COMMD1: variants seen among roughly 807,000 people sequenced by gnomAD.
COMMD1 encodes COMM domain-containing protein 1.
A neutral mutation model predicts 17.2 loss-of-function variants in COMMD1; 10 were observed. The observed-to-expected ratio is 0.58, with a 90% CI of 0.36 to 0.99. The LOEUF (loss-of-function observed/expected upper bound fraction) is 0.99. COMMD1 is among the 50% of genes least tolerant of loss of function. The pLI, the probability that COMMD1 is intolerant of heterozygous loss-of-function variation, is 0.01. For synonymous variants in COMMD1, 97 were observed against 91.6 expected (o/e 1.06, Z -0.34); for missense variants, 270 against 231.8 (o/e 1.17, Z -1.07).
At chr2:62,090,589 C>T (rs538130131) in intron 2 of COMMD1, 1 of 152,304 alleles carries the variant, frequency 6.6e-6, no homozygotes, top group South Asian at 2.1e-4. Flanking sequence ...TTGTATTGCA[C>T]CATATACTGG....
intron 2 of COMMD1, among the ~76,000 whole-genome samples, chr2:62,086,004 A>C (rs557270654): frequency 5.2e-4 from 79 of 151,672 alleles, no homozygotes; most frequent in Middle Eastern, 3.4e-3. Flanking sequence ...AAAACAAAAA[A>C]ATTTTTAAGA....
intron 2 of COMMD1, among the ~76,000 whole-genome samples, chr2:62,063,850 G>A (rs887381029): frequency 1.0e-5 from 1 of 96,498 alleles, no homozygotes; most frequent in Non-Finnish European, 2.1e-5. Flanking sequence ...GGACAACATA[G>A]TGACACTGTC....
intron 2 of COMMD1, chr2:62,001,211 C>T (rs1447586841): frequency 1.9e-6 from 1 of 519,184 alleles, no homozygotes; most frequent in Non-Finnish European, 3.5e-6. Flanking sequence ...ACAGAATGGG[C>T]CAATAATGTG....
chr2:61,894,055 T>C (rs1271233798), intron 1 of COMMD1, among the ~76,000 whole-genome samples: 1 of 152,154 alleles, frequency 6.6e-6, no homozygotes, highest in African/African-American at 2.4e-5. Context: ...CTGGGCAACA[T>C]AGCAAAACCC....
chr2:62,085,135 G>A lies in COMMD1; in HGVS notation c.463-50696G>A, dbSNP rs186627025. 1.7e-4 allele frequency among the ~76,000 whole-genome samples: 26 copies of A among 152,130 alleles called. No individual in the cohort carries two copies. In the East Asian group the frequency reaches 4.8e-3, roughly 28 times the overall value. ...TAGAGTTAAAATCAAAGGTGGGGAC[G>A]AATTTTAAAAACTGTTTCTGAATCT... is the stretch of plus-strand genomic sequence containing the variant. On this transcript the variant is annotated intron_variant, in intron 2 of 2. Coordinates refer to ENST00000311832, the MANE Select transcript of COMMD1 (RefSeq NM_152516.4).
At chr2:62,048,182 CTTTTTT>C (rs67195629) in intron 2 of COMMD1, among the ~76,000 whole-genome samples, 5 of 127,230 alleles carry the variant, frequency 3.9e-5, no homozygotes, top group African/African-American at 1.5e-4. Flanking sequence ...AACTAAATTT[CTTTTTT>C]TTTTTTTTTT....
At chr2:61,965,848 A>G (rs1671491461) in intron 1 of COMMD1, among the ~76,000 whole-genome samples, 1 of 151,848 alleles carries the variant, frequency 6.6e-6, no homozygotes, top group Non-Finnish European at 1.5e-5. Context: ...AAAACTTTTT[A>G]AAGGATTTTC....
At chr2:62,072,268 C>T (rs1671217689) in intron 2 of COMMD1, among the ~76,000 whole-genome samples, 1 of 152,086 alleles carries the variant, frequency 6.6e-6, no homozygotes, top group African/African-American at 2.4e-5. Flanking sequence ...GCTGCCAGTT[C>T]TGGGTAAAGT....
intron 2 of COMMD1, among the ~76,000 whole-genome samples, chr2:62,001,423 A>G (rs1439567005): frequency 1.3e-5 from 2 of 152,218 alleles, no homozygotes; most frequent in Non-Finnish European, 2.9e-5. Flanking sequence ...CATTGTTCGT[A>G]AAGACCCCTA....
chr2:61,993,853 T>C (rs1021346578), intron 1 of COMMD1, among the ~76,000 whole-genome samples: 2 of 152,202 alleles, frequency 1.3e-5, no homozygotes, highest in Non-Finnish European at 2.9e-5. Context: ...TCTCTTGATA[T>C]TATTTGAGAA....
intron 2 of COMMD1, among the ~76,000 whole-genome samples, chr2:62,065,026 G>A (rs1670988308): frequency 6.6e-6 from 1 of 151,958 alleles, no homozygotes; most frequent in Admixed American, 6.6e-5. Flanking sequence ...AAATTAGCTG[G>A]GCATGGCGGC....
intron 2 of COMMD1, among the ~76,000 whole-genome samples, chr2:62,006,707 ATC>A (rs1159857384): frequency 1.3e-5 from 2 of 152,222 alleles, no homozygotes; most frequent in Non-Finnish European, 2.9e-5. Context: ...TCACTGTGAG[ATC>A]TGAGCCATGA....
chr2:62,062,550 A>G (rs1670892037), intron 2 of COMMD1, among the ~76,000 whole-genome samples: 1 of 152,080 alleles, frequency 6.6e-6, no homozygotes, highest in African/African-American at 2.4e-5. Flanking sequence ...ATTTTTTAAA[A>G]TGCATATACA....
At chr2:62,068,620 CTTTTTTTT>C (rs67517468) in intron 2 of COMMD1, among the ~76,000 whole-genome samples, 2 of 89,240 alleles carry the variant, frequency 2.2e-5, no homozygotes, top group African/African-American at 4.9e-5. Context: ...GTAGTATAAT[CTTTTTTTT>C]TTTTTTTTTT....
intron 2 of COMMD1, among the ~76,000 whole-genome samples, chr2:62,016,057 G>A (rs1480875267): frequency 6.6e-6 from 1 of 151,544 alleles, no homozygotes; most frequent in African/African-American, 2.4e-5. Context: ...GGTCTTGAAC[G>A]CCTGACCTCA....
chr2:61,969,321 T>C (rs1466509404), intron 1 of COMMD1, among the ~76,000 whole-genome samples: 1 of 152,174 alleles, frequency 6.6e-6, no homozygotes, highest in Non-Finnish European at 1.5e-5. Flanking sequence ...ATTTATATTT[T>C]TCGAGGAAGA....
intron 1 of COMMD1, among the ~76,000 whole-genome samples, chr2:61,898,123 A>G (rs1234252539): frequency 1.3e-5 from 2 of 152,228 alleles, no homozygotes; most frequent in Non-Finnish European, 2.9e-5. Context: ...TAAGGCAGAG[A>G]CAGTCATTCA....
chr2:62,029,481 G>A (rs1669856156), intron 2 of COMMD1, among the ~76,000 whole-genome samples: 1 of 151,892 alleles, frequency 6.6e-6, no homozygotes, highest in African/African-American at 2.4e-5. Context: ...CTATTACCCA[G>A]CTTCAATGGT....
intron 1 of COMMD1, among the ~76,000 whole-genome samples, chr2:61,961,843 T>C (rs1038038258): frequency 6.6e-6 from 1 of 152,200 alleles, no homozygotes; most frequent in African/African-American, 2.4e-5. Flanking sequence ...TAATTTCTCA[T>C]TTGTCTTTAA....
Sources: gnomAD v4.1 joint callset for allele counts (sites outside exome capture counted in the v4.1 genomes callset) on GRCh38, gnomAD v4.1.1 for gene constraint, MANE v1.5 for transcripts, NCBI Gene and HGNC (gene_info 2026-07-23, HGNC 2026-07-21) for gene names.